CDH13: variants seen among roughly 807,000 people sequenced by gnomAD.
The protein encoded by CDH13 is cadherin 13.
CDH13 carries 24 observed loss-of-function variants against 63.8 expected under a neutral mutation model. The observed-to-expected ratio is 0.38, with a 90% CI of 0.27 to 0.53. The LOEUF is 0.53. Ranked by LOEUF, CDH13 falls within the 20% of genes least tolerant of loss-of-function variation. The pLI is 0.85. For missense variants in CDH13, 1,049 were observed against 903.1 expected (o/e 1.16, Z -2.07); for synonymous variants, 503 against 355.3 (o/e 1.42, Z -4.67).
chr16:83,533,227 C>T lies in CDH13; in HGVS notation c.960+46572C>T, dbSNP rs190193143. Among the ~76,000 whole-genome samples the T allele has an allele frequency of 4.3e-4, 66 of 152,288 alleles. No homozygotes were observed. In the Middle Eastern group the frequency reaches 0.01, roughly 24 times the overall value. On this transcript the variant is annotated intron_variant, in intron 7 of 13. Coordinates refer to ENST00000567109, the MANE Select transcript of CDH13 (RefSeq NM_001257.5). ...AAGGGTAAACATAGGTAAACTTCCC[C>T]TCAATGCGACGGCTCACTTTTCATT...
intron 2 of CDH13, among the ~76,000 whole-genome samples, chr16:83,002,122 C>A (rs1426627599): frequency 6.6e-6 from 1 of 152,202 alleles, no homozygotes; most frequent in African/African-American, 2.4e-5. Flanking sequence ...AAAGATATGT[C>A]CACATCCTAA....
chr16:83,514,052 G>T (rs181130339), intron 7 of CDH13, among the ~76,000 whole-genome samples: 7 of 152,096 alleles, frequency 4.6e-5, no homozygotes, highest in Non-Finnish European at 1.0e-4. Flanking sequence ...TGTGTGCCTC[G>T]TAGGAATACA....
chr16:83,363,578 A>C (rs1226890751), intron 6 of CDH13, among the ~76,000 whole-genome samples: 1 of 152,216 alleles, frequency 6.6e-6, no homozygotes, highest in Non-Finnish European at 1.5e-5. Flanking sequence ...TCAATTGGTT[A>C]AATAAGAGAA....
intron 5 of CDH13, among the ~76,000 whole-genome samples, chr16:83,340,997 C>T (rs2090709410): frequency 6.6e-6 from 1 of 152,102 alleles, no homozygotes; most frequent in Admixed American, 6.5e-5. Context: ...GGGTGGTTTC[C>T]ATTTCCTTTG....
intron 2 of CDH13, among the ~76,000 whole-genome samples, chr16:83,019,090 ATTAACT>A (rs771319844): frequency 4.3e-4 from 65 of 152,330 alleles, no homozygotes; most frequent in African/African-American, 1.5e-3. Flanking sequence ...TCAATCATAA[ATTAACT>A]TTAGCTTACT....
intron 3 of CDH13, among the ~76,000 whole-genome samples, chr16:83,111,897 C>T (rs1423039114): frequency 6.6e-6 from 1 of 152,126 alleles, no homozygotes; most frequent in Admixed American, 6.5e-5. Context: ...TCTTGTTTTC[C>T]TGGATCTCAT....
At chr16:83,636,063 TC>T (rs1209335725) in intron 8 of CDH13, among the ~76,000 whole-genome samples, 1 of 151,286 alleles carries the variant, frequency 6.6e-6, no homozygotes, top group East Asian at 2.0e-4. Flanking sequence ...GAAATAGCTA[TC>T]CTTCTTCCAT....
At chr16:83,249,672 G>T (rs1240332591) in intron 5 of CDH13, among the ~76,000 whole-genome samples, 3 of 152,176 alleles carry the variant, frequency 2.0e-5, no homozygotes, top group African/African-American at 7.2e-5. Flanking sequence ...AAACCTGGCT[G>T]GGGGTATTTT....
intron 10 of CDH13, among the ~76,000 whole-genome samples, chr16:83,732,070 G>A (rs1911091922): frequency 6.6e-6 from 1 of 152,216 alleles, no homozygotes; most frequent in Non-Finnish European, 1.5e-5. Context: ...AATTCACACT[G>A]TGAGCCGGGT....
chr16:83,113,309 T>G (rs1454565736), intron 3 of CDH13, among the ~76,000 whole-genome samples: 1 of 152,264 alleles, frequency 6.6e-6, no homozygotes, highest in African/African-American at 2.4e-5. Context: ...CACCAACATC[T>G]TACTCATTTA....
intron 1 of CDH13, among the ~76,000 whole-genome samples, chr16:82,739,443 G>A (rs914345122): frequency 2.0e-5 from 3 of 152,180 alleles, no homozygotes; most frequent in Non-Finnish European, 2.9e-5. Context: ...TTTTCCTCAT[G>A]AAATATGCTT....
At chr16:83,021,864 C>G (rs1915380100) in intron 2 of CDH13, among the ~76,000 whole-genome samples, 1 of 152,164 alleles carries the variant, frequency 6.6e-6, no homozygotes, top group Non-Finnish European at 1.5e-5. Flanking sequence ...TACGCATGTT[C>G]AGGAAGCAGA....
chr16:83,444,938 T>G (rs2072628194), intron 6 of CDH13, among the ~76,000 whole-genome samples: 1 of 97,688 alleles, frequency 1.0e-5, no homozygotes. Context: ...GTTCCCACGT[T>G]GCAGGTAGGA....
chr16:82,895,720 G>T (rs1399340426), intron 2 of CDH13, among the ~76,000 whole-genome samples: 2 of 150,702 alleles, frequency 1.3e-5, no homozygotes, highest in African/African-American at 4.9e-5. Flanking sequence ...GGTGTTTTCT[G>T]CTTGGTTTTG....
rs114579522 is a variant in CDH13 at position 83,654,428 on chromosome 16, C to G, written c.1102-16362C>G. The stretch of plus-strand genomic sequence containing the variant: ...AAGCAAGTAAGGCAGGTCAGGAGAC[C>G]AGGATGGGCAGAGGTCCTGTATAGG... On this transcript the variant is annotated intron_variant, in intron 8 of 13. Coordinates refer to ENST00000567109, the MANE Select transcript of CDH13 (RefSeq NM_001257.5). 3.3e-3 allele frequency among the ~76,000 whole-genome samples: 507 copies of G among 151,766 alleles called. 7 individuals carry two copies. Among genetic ancestry groups the G allele is most frequent in the African/African-American group, 0.012 (488 of 41,324 alleles).
At position 83,047,343 on chromosome 16, in the gene CDH13, T is replaced by C. The variant is rs1917891829; in HGVS notation, c.366+15125T>C. The stretch of plus-strand genomic sequence containing the variant: ...TTGCATTGTCCATTCTCGTAAACCG[T>C]GGTTAACACAGATAATTGAGACTTG... On this transcript the variant is annotated intron_variant, in intron 3 of 13. Transcript: ENST00000567109. This position sits in a 1 kb window ranked among gnomAD's most constrained non-coding sequence, Gnocchi z 4.9. Among the ~76,000 whole-genome samples the C allele has an allele frequency of 6.6e-6, 1 of 152,190 alleles. No individual in the cohort carries two copies. Among genetic ancestry groups the C allele is most frequent in the South Asian group, 2.1e-4 (1 of 4,832 alleles).
intron 8 of CDH13, among the ~76,000 whole-genome samples, chr16:83,631,713 C>T (rs1284338630): frequency 6.6e-6 from 1 of 152,072 alleles, no homozygotes; most frequent in Non-Finnish European, 1.5e-5. Flanking sequence ...ATGAGGGGAG[C>T]CAGCCTTGGT....
intron 4 of CDH13, among the ~76,000 whole-genome samples, chr16:83,213,176 C>T (rs2039387919): frequency 6.6e-6 from 1 of 152,168 alleles, no homozygotes; most frequent in African/African-American, 2.4e-5. Context: ...TAAGTAATTT[C>T]AATTCAGCAG....
At chr16:83,187,831 A>G (rs906726799) in intron 4 of CDH13, among the ~76,000 whole-genome samples, 3 of 152,122 alleles carry the variant, frequency 2.0e-5, no homozygotes, top group African/African-American at 4.8e-5. Flanking sequence ...GATAGGGGCT[A>G]TGGAGGTCAA....
Sources: gnomAD v4.1 joint callset for allele counts (sites outside exome capture counted in the v4.1 genomes callset) on GRCh38, gnomAD v4.1.1 for gene constraint, Gnocchi (gnomAD v3.1) non-coding constraint, MANE v1.5 for transcripts, NCBI Gene and HGNC (gene_info 2026-07-23, HGNC 2026-07-21) for gene names.